Variants in ERBB4 observed in about 807,000 individuals in gnomAD.
ERBB4 encodes the protein erb-b2 receptor tyrosine kinase 4.
ERBB4 carries 42 observed loss-of-function variants against 158.0 expected under a neutral mutation model. The observed-to-expected ratio is 0.27, with a 90% CI of 0.21 to 0.34. ERBB4 has a LOEUF of 0.34. Among genes scored for constraint, ERBB4 ranks in the 10% least tolerant of loss-of-function variants. ERBB4 has a pLI of 1.00. For synonymous variants in ERBB4, 583 were observed against 558.7 expected (o/e 1.04, Z -0.61); for missense variants, 1,333 against 1,624.1 (o/e 0.82, Z 3.08).
intron 18 of ERBB4, among the ~76,000 whole-genome samples, chr2:211,622,952 G>A (rs2069660483): frequency 1.1e-5 from 1 of 87,952 alleles, no homozygotes; most frequent in African/African-American, 4.6e-5. Flanking sequence ...AACAGAGCGA[G>A]ACTCCATCTC....
chr2:212,486,900 T>C (rs1307998197), intron 1 of ERBB4, among the ~76,000 whole-genome samples: 2 of 151,370 alleles, frequency 1.3e-5, no homozygotes, highest in African/African-American at 4.9e-5. Flanking sequence ...AATACATTTA[T>C]AATTAGCTTT....
intron 2 of ERBB4, among the ~76,000 whole-genome samples, chr2:212,079,156 T>C (rs1468669135): frequency 6.6e-6 from 1 of 151,454 alleles, no homozygotes; most frequent in Non-Finnish European, 1.5e-5. Flanking sequence ...ATACACATAA[T>C]TTTCTGGAGC....
At chr2:212,244,628 T>C (rs10200047) in intron 1 of ERBB4, among the ~76,000 whole-genome samples, 30,819 of 152,040 alleles carry the variant, frequency 0.2, 3,466 homozygotes, top group African/African-American at 0.26. Context: ...ATTTGACCCA[T>C]AAACTTTCCC....
chr2:212,186,217 G>A (rs146722660), intron 1 of ERBB4, among the ~76,000 whole-genome samples: 238 of 152,084 alleles, frequency 1.6e-3, no homozygotes, highest in Middle Eastern at 6.8e-3. Context: ...GGCAAACTTC[G>A]CCTAAATCAT....
intron 20 of ERBB4, among the ~76,000 whole-genome samples, chr2:211,477,002 T>C (rs1418264728): frequency 6.6e-6 from 1 of 152,080 alleles, no homozygotes; most frequent in East Asian, 1.9e-4. Context: ...TCTCAGAGAT[T>C]TGGGGTCAAA....
At chr2:212,491,887 T>C (rs1402451912) in intron 1 of ERBB4, among the ~76,000 whole-genome samples, 2 of 151,514 alleles carry the variant, frequency 1.3e-5, no homozygotes, top group African/African-American at 2.4e-5. Flanking sequence ...CTGGTCTCCA[T>C]TTCACAATGT....
At chr2:211,445,017 G>T (rs1016755289) in intron 20 of ERBB4, among the ~76,000 whole-genome samples, 3 of 152,058 alleles carry the variant, frequency 2.0e-5, no homozygotes, top group Middle Eastern at 3.2e-3. Flanking sequence ...ACGTAAAAAG[G>T]ATAGAGTTCT....
At position 211,563,204 on chromosome 2, in the gene ERBB4, TTGAAA is replaced by T. The variant is rs565929740; in HGVS notation, c.2302-1121_2302-1117del. On this transcript the variant is annotated intron_variant, in intron 19 of 27. Transcript: ENST00000342788. Reference sequence around the variant, plus strand: ...TTATTATAAGACTCTTGATTGTAATTTGAAATAGACATAACCATAAAATAAATGTT... The same window carrying T: ...TTATTATAAGACTCTTGATTGTAATTTAGACATAACCATAAAATAAATGTT... Among the ~76,000 whole-genome samples the T allele has an allele frequency of 3.3e-5, 5 of 152,324 alleles. No homozygotes were observed. In the South Asian group the frequency reaches 1.0e-3, roughly 32 times the overall value.
intron 3 of ERBB4, among the ~76,000 whole-genome samples, chr2:211,907,571 C>T (rs1342377662): frequency 1.3e-5 from 2 of 151,636 alleles, no homozygotes; most frequent in African/African-American, 4.8e-5. Flanking sequence ...TCTTACTATG[C>T]AGAGGCCAGA....
At chr2:211,617,029 C>A (rs200032090) in intron 19 of ERBB4, among the ~76,000 whole-genome samples, 1 of 152,094 alleles carries the variant, frequency 6.6e-6, no homozygotes, top group South Asian at 2.1e-4. Flanking sequence ...TGGGAATATA[C>A]ATCAGATCAA....
At chr2:211,787,249 T>C (rs1023529078) in intron 4 of ERBB4, among the ~76,000 whole-genome samples, 7 of 152,198 alleles carry the variant, frequency 4.6e-5, no homozygotes, top group African/African-American at 1.7e-4. Context: ...AATTCTGTTT[T>C]CATACAAATG....
chr2:212,359,854 CA>C (rs1574764641), intron 1 of ERBB4, among the ~76,000 whole-genome samples: 1 of 151,142 alleles, frequency 6.6e-6, no homozygotes, highest in East Asian at 1.9e-4. Flanking sequence ...TTCTACTTTA[CA>C]TTTTTTTTTT....
intron 1 of ERBB4, among the ~76,000 whole-genome samples, chr2:212,317,408 T>G (rs2087339333): frequency 6.6e-6 from 1 of 151,560 alleles, no homozygotes; most frequent in Non-Finnish European, 1.5e-5. Context: ...TAGGAATCAC[T>G]TGAACAGCTG....
At chr2:212,320,670 G>A (rs1034356672) in intron 1 of ERBB4, among the ~76,000 whole-genome samples, 18 of 149,548 alleles carry the variant, frequency 1.2e-4, no homozygotes, top group African/African-American at 1.7e-4. Context: ...AGAAAGCCAG[G>A]GCTAAAAAAA....
chr2:211,914,560 A>G (rs1454009299), intron 3 of ERBB4, among the ~76,000 whole-genome samples: 4 of 152,148 alleles, frequency 2.6e-5, no homozygotes, highest in African/African-American at 9.7e-5. Context: ...CAGGCATATT[A>G]CCTCTCTTTG....
chr2:211,988,400 T>C (rs921470163), intron 2 of ERBB4, among the ~76,000 whole-genome samples: 2 of 152,088 alleles, frequency 1.3e-5, no homozygotes, highest in African/African-American at 2.4e-5. Context: ...AAGGGTAAAA[T>C]GATATAAGAA....
chr2:212,460,548 C>T (rs1297493073), intron 1 of ERBB4, among the ~76,000 whole-genome samples: 2 of 152,292 alleles, frequency 1.3e-5, no homozygotes, highest in East Asian at 1.9e-4. Flanking sequence ...AGCAAAGAGG[C>T]TGGCATCATT....
chr2:212,078,166 A>G (rs1339786436), intron 2 of ERBB4, among the ~76,000 whole-genome samples: 1 of 152,056 alleles, frequency 6.6e-6, no homozygotes, highest in Non-Finnish European at 1.5e-5. Context: ...ACAGATATAG[A>G]CTTAGGTCAC....
intron 3 of ERBB4, among the ~76,000 whole-genome samples, chr2:211,936,440 T>G (rs2125110436): frequency 6.6e-6 from 1 of 152,238 alleles, no homozygotes; most frequent in East Asian, 1.9e-4. Flanking sequence ...CACTTTTTTC[T>G]TATAAATATT....
Sources: gnomAD v4.1 joint callset for allele counts (sites outside exome capture counted in the v4.1 genomes callset) on GRCh38, gnomAD v4.1.1 for gene constraint, MANE v1.5 for transcripts, NCBI Gene and HGNC (gene_info 2026-07-23, HGNC 2026-07-21) for gene names.